Variants in KDM5A observed in about 807,000 individuals in gnomAD.
KDM5A encodes the protein lysine demethylase 5A.
A neutral mutation model predicts 193.5 loss-of-function variants in KDM5A; 42 were observed. The ratio of observed to expected loss-of-function variants is 0.22; its 90% CI spans 0.17 to 0.28. KDM5A has a LOEUF of 0.28. Ranked by LOEUF, KDM5A falls within the 10% of genes least tolerant of loss-of-function variation. The probability of loss-of-function intolerance (pLI) is 1.00; values close to 1 mark genes in which losing one functional copy is unlikely to be tolerated. For synonymous variants in KDM5A, 796 were observed against 718.1 expected, an observed-to-expected ratio of 1.11 and a Z score of -1.73; for missense variants, 1,692 against 2,055.1, an observed-to-expected ratio of 0.82 and a Z score of 3.42.
At chr12:360,955 C>T (rs1012695508) in intron 5 of KDM5A, among the ~76,000 whole-genome samples, 3 of 152,110 alleles carry the variant, frequency 2.0e-5, no homozygotes, top group Non-Finnish European at 4.4e-5. Flanking sequence ...TAGACAAAGA[C>T]TAAGTATGAA....
intron 24 of KDM5A, among the ~76,000 whole-genome samples, chr12:301,226 A>G (rs1406084439): frequency 6.6e-6 from 1 of 152,218 alleles, no homozygotes; most frequent in East Asian, 1.9e-4. Context: ...ACACAACAAA[A>G]AAAGAGAATT....
In KDM5A at chr12:322,419, G is replaced by C. The variant is rs200653421; in HGVS notation, c.2424C>G (p.His808Gln). 6.3e-4 allele frequency: 1,017 copies of C among 1,611,620 alleles called. 1 individual carries two copies. The highest frequency in any genetic ancestry group is 8.3e-4 in the Non-Finnish European group (977 of 1,179,924). Residue 808 changes from histidine to glutamine, a missense_variant and splice_region_variant, in exon 17 of 28, where the codon CAC becomes CAG. Coordinates refer to ENST00000399788, the MANE Select transcript of KDM5A (RefSeq NM_001042603.3). ...AQLLLSKKQK[H>Q]RQSPDSGRTR... is the part of the protein sequence containing the mutation. ...AATTAAACTCTTCTTAGGTTTACCTGTGTTTCTGCTTTTTGCTCAGAAGCA... is the reference window on the plus strand; with the variant it reads ...AATTAAACTCTTCTTAGGTTTACCTCTGTTTCTGCTTTTTGCTCAGAAGCA...
At position 307,176 on chromosome 12, in the gene KDM5A, A is replaced by T; in HGVS notation, c.3931-87T>A. The T allele has an allele frequency of 6.7e-7, 1 of 1,485,300 alleles. No homozygotes were observed. Among genetic ancestry groups the T allele is most frequent in the South Asian group, 1.1e-5 (1 of 87,480 alleles). The allele number at this position is 1,485,300 out of a possible 1,614,324, so 92.0% of individuals were successfully genotyped here. On this transcript the variant is annotated intron_variant, in intron 23 of 27. Coordinates refer to ENST00000399788, the MANE Select transcript of KDM5A (RefSeq NM_001042603.3). This position sits in a 1 kb window ranked among gnomAD's most constrained non-coding sequence, Gnocchi z 4.3. ...GTGTGCTTAAGATCACCAAAATGTAATGAATAAGCAAAGTGGCTAACAGAG... is the reference window on the plus strand; with the variant it reads ...GTGTGCTTAAGATCACCAAAATGTATTGAATAAGCAAAGTGGCTAACAGAG...
chr12:323,826 A>G (rs751414075), intron 14 of KDM5A, 45 bp from the exon 15 acceptor site: 12 of 1,528,224 alleles, frequency 7.9e-6, no homozygotes, highest in Non-Finnish European at 1.1e-5. Context: ...TCTAGTCTTT[A>G]AAGCATCAAA....
At chr12:294,160 A>G (rs752982676) in intron 26 of KDM5A, among the ~76,000 whole-genome samples, 7 of 152,360 alleles carry the variant, frequency 4.6e-5, no homozygotes, top group Middle Eastern at 3.4e-3. Context: ...GCCAAGGGCT[A>G]GAAAACAGTT....
intron 10 of KDM5A, among the ~76,000 whole-genome samples, chr12:340,095 C>A (rs1011975119): frequency 6.6e-6 from 1 of 151,972 alleles, no homozygotes; most frequent in Non-Finnish European, 1.5e-5. Flanking sequence ...CCAGGATATT[C>A]TGGACCTCCT....
chr12:360,619 C>G (rs1379189529), intron 5 of KDM5A, among the ~76,000 whole-genome samples: 1 of 152,128 alleles, frequency 6.6e-6, no homozygotes, highest in Non-Finnish European at 1.5e-5. Flanking sequence ...GTAACTTGGA[C>G]AGTGCAGTTT....
At chr12:366,238 A>T in intron 3 of KDM5A, 134 bp from the exon 4 acceptor site, 1 of 725,106 alleles carries the variant, frequency 1.4e-6, no homozygotes, top group Non-Finnish European at 2.4e-6. Context: ...ATCTAACCAA[A>T]CTGACACTTG....
At chr12:367,178 T>TA (rs1944367007) in intron 3 of KDM5A, among the ~76,000 whole-genome samples, 1 of 152,180 alleles carries the variant, frequency 6.6e-6, no homozygotes, top group African/African-American at 2.4e-5. Flanking sequence ...TCACTGAGAA[T>TA]AAAGGGGACT....
At chr12:293,363 T>C (rs1248508162) in intron 26 of KDM5A, among the ~76,000 whole-genome samples, 194 bp from the exon 27 acceptor site, 1 of 152,176 alleles carries the variant, frequency 6.6e-6, no homozygotes, top group East Asian at 1.9e-4. Flanking sequence ...AACTAAAAAA[T>C]TCAGGAAATG....
At chr12:298,442 C>T (rs1453273803) in intron 24 of KDM5A, among the ~76,000 whole-genome samples, 4 of 151,704 alleles carry the variant, frequency 2.6e-5, no homozygotes, top group African/African-American at 9.7e-5. Flanking sequence ...TCCAGCACAC[C>T]TGCAGCAGAG....
Position 313,123 on chromosome 12 carries a change from T to C in KDM5A, c.2969A>G (p.Asn990Ser), listed in dbSNP as rs1943609997. The C allele has an allele frequency of 1.9e-6, 3 of 1,613,978 alleles. No individual in the cohort carries two copies. Among genetic ancestry groups the C allele is most frequent in the Admixed American group, 1.7e-5 (1 of 60,004 alleles). The change falls in exon 20 of 28, where the codon AAT becomes AGT. Residue 990 changes from asparagine to serine, a missense_variant. Around this residue, in one of 11 missense-constraint regions of KDM5A, gnomAD observed 965 missense variants for 1,061.0 expected, o/e 0.91. Transcript: ENST00000399788. ...EAKNIPAFLP[N>S]VLSLKEALQK... ...TAAGGCTTCTTTCAAGGACAACACATTGGGTAGAAAGGCTGGAATGTTCTT... is the reference window on the plus strand; with the variant it reads ...TAAGGCTTCTTTCAAGGACAACACACTGGGTAGAAAGGCTGGAATGTTCTT...
At chr12:290,137 AT>A (rs1943275519) in intron 27 of KDM5A, among the ~76,000 whole-genome samples, 1 of 151,786 alleles carries the variant, frequency 6.6e-6, no homozygotes, top group African/African-American at 2.4e-5. Context: ...TTCTTTTCTT[AT>A]TTTGCTCTAA....
Position 307,054 on chromosome 12 carries a change from G to C in KDM5A, c.3966C>G (p.Asn1322Lys). ...AAGATGACACACTGCTCACCACCCG[G>C]TTAAAAGCAGACTGCTGGAAACTAG... ...HLPSFQQSAF[N>K]RVVSSVSSSP... The change falls in exon 24 of 28, where the codon AAC becomes AAG. Residue 1322 changes from asparagine (N) to lysine (K), a missense_variant. By Grantham distance (94) the Asn-to-Lys change is moderately conservative (BLOSUM62 0). Around this residue, in one of 11 missense-constraint regions of KDM5A, gnomAD observed 965 missense variants for 1,061.0 expected, o/e 0.91. Transcript: ENST00000399788. The surrounding 1 kb of genome is among the most constrained non-coding windows in gnomAD (Gnocchi z 4.3). 6.2e-7 allele frequency: 1 copy of C among 1,614,072 alleles called. No individual in the cohort carries two copies. Among genetic ancestry groups the C allele is most frequent in the Non-Finnish European group, 8.5e-7 (1 of 1,179,994 alleles).
chr12:300,484 A>G (rs1420432919), intron 24 of KDM5A, among the ~76,000 whole-genome samples: 1 of 152,216 alleles, frequency 6.6e-6, no homozygotes, highest in Non-Finnish European at 1.5e-5. Flanking sequence ...TTTGAAACCA[A>G]TGAGAACAAA....
At chr12:342,785 A>C (rs995051310) in intron 10 of KDM5A, among the ~76,000 whole-genome samples, 2 of 151,946 alleles carry the variant, frequency 1.3e-5, no homozygotes, top group African/African-American at 4.8e-5. Flanking sequence ...AAAAAAAAAA[A>C]AAAAAAAACC....
chr12:362,282 C>A (rs1944302174), intron 5 of KDM5A, among the ~76,000 whole-genome samples: 1 of 149,594 alleles, frequency 6.7e-6, no homozygotes, highest in Non-Finnish European at 1.5e-5. Flanking sequence ...AGAAGCAAAG[C>A]TTGGGGAAAA....
chr12:295,605 G>C lies in KDM5A; in HGVS notation c.4423C>G (p.Pro1475Ala), dbSNP rs202077209. The change falls in exon 26 of 28, where the codon CCC becomes GCC. Residue 1475 changes from proline to alanine, a missense_variant. Pro to Ala is a conservative substitution (Grantham distance 27). This residue lies in a region of KDM5A where 965 missense variants were observed against 1,061.0 expected (regional missense o/e 0.91). Transcript: ENST00000399788. ...ATATGCAAGAATCTGTCTTCAGAGG[G>C]TGGGTGTGTGGCCTGCAAAATCCGC... ...IWRILQATHP[P>A]SEDRFLHIME... The C allele has an allele frequency of 3.7e-6, 6 of 1,613,964 alleles. No individual in the cohort carries two copies. The highest frequency in any genetic ancestry group is 5.1e-6 in the Non-Finnish European group (6 of 1,179,966).
intron 3 of KDM5A, among the ~76,000 whole-genome samples, chr12:369,751 GAAGTAA>G (rs1294571051): frequency 7.2e-5 from 11 of 152,094 alleles, no homozygotes; most frequent in Admixed American, 2.6e-4. Context: ...CAAGCAGGGA[GAAGTAA>G]AAGAACTCAG....
Sources: allele counts gnomAD v4.1 joint callset (sites outside exome capture counted in the v4.1 genomes callset), GRCh38; gene constraint gnomAD v4.1.1; regional missense constraint gnomAD v4.1.1; non-coding constraint Gnocchi (gnomAD v3.1); transcripts MANE v1.5; gene names NCBI Gene and HGNC (gene_info 2026-07-23, HGNC 2026-07-21).